The following ZNF385D variants were observed in gnomAD, a reference collection of about 807,000 sequenced individuals.
The protein encoded by ZNF385D is zinc finger protein 659.
A neutral mutation model predicts 35.8 loss-of-function variants in ZNF385D; 15 were observed. That is an observed-to-expected ratio of 0.42 (90% CI 0.28 to 0.64). The LOEUF (loss-of-function observed/expected upper bound fraction) is 0.64. Among genes scored for constraint, ZNF385D ranks in the 30% least tolerant of loss-of-function variants. The pLI is 0.23. For synonymous variants in ZNF385D, 212 were observed against 186.8 expected, an observed-to-expected ratio of 1.13 and a Z score of -1.10; for missense variants, 474 against 494.6, an observed-to-expected ratio of 0.96 and a Z score of 0.39.
chr3:21,440,795 A>C (rs1701820505), intron 4 of ZNF385D, among the ~76,000 whole-genome samples: 1 of 152,204 alleles, frequency 6.6e-6, no homozygotes, highest in Non-Finnish European at 1.5e-5. Context: ...ATGGTGCATC[A>C]TTCAAGTTAC....
chr3:21,722,412 G>A (rs183976489), intron 1 of ZNF385D, among the ~76,000 whole-genome samples: 21 of 152,282 alleles, frequency 1.4e-4, no homozygotes, highest in Admixed American at 1.2e-3. Flanking sequence ...TAACTATCTA[G>A]TGCTTAGGTC....
chr3:22,082,700 G>T (rs2125585942), intron 3 of ZNF385D, among the ~76,000 whole-genome samples: 1 of 152,274 alleles, frequency 6.6e-6, no homozygotes. Flanking sequence ...AGAGAGCAGT[G>T]GTTCTCCCAG....
rs61061804 is a variant in ZNF385D at position 21,499,657 on chromosome 3, A to C, written c.439+11204T>G. 8.7e-3 allele frequency among the ~76,000 whole-genome samples: 1,312 copies of C among 151,190 alleles called. 22 individuals carry two copies. Among genetic ancestry groups the C allele is most frequent in the African/African-American group, 0.03 (1,225 of 41,290 alleles). On this transcript the variant is annotated intron_variant, in intron 4 of 7. Coordinates refer to ENST00000281523, the MANE Select transcript of ZNF385D (RefSeq NM_024697.3). ...AGGGTTTTTAATTTGAAAAAAAAAAACCAAAAAACGAAAAACAATAAAATA... is the reference window on the plus strand; with the variant it reads ...AGGGTTTTTAATTTGAAAAAAAAAACCCAAAAAACGAAAAACAATAAAATA...
intron 2 of ZNF385D, among the ~76,000 whole-genome samples, chr3:21,626,934 G>A (rs1182772011): frequency 6.6e-6 from 1 of 151,936 alleles, no homozygotes; most frequent in Non-Finnish European, 1.5e-5. Context: ...AAAGAACTGG[G>A]TATTGAGGGG....
intron 1 of ZNF385D, among the ~76,000 whole-genome samples, chr3:21,691,181 G>A (rs954115092): frequency 6.6e-6 from 1 of 152,026 alleles, no homozygotes; most frequent in South Asian, 2.1e-4. Context: ...ATGCCATACC[G>A]TAAATCAATC....
At chr3:22,206,396 C>T (rs1332313269) in intron 2 of ZNF385D, among the ~76,000 whole-genome samples, 1 of 151,944 alleles carries the variant, frequency 6.6e-6, no homozygotes, top group East Asian at 1.9e-4. Context: ...AACAAAGAAA[C>T]ATCAGACTTA....
intron 1 of ZNF385D, among the ~76,000 whole-genome samples, chr3:21,720,809 G>T (rs2068509255): frequency 6.6e-6 from 1 of 152,156 alleles, no homozygotes; most frequent in African/African-American, 2.4e-5. Flanking sequence ...TTAATTTAAA[G>T]ACCTTCTATT....
At chr3:21,785,610 A>G (rs2071658946) in intron 3 of ZNF385D, among the ~76,000 whole-genome samples, 1 of 152,132 alleles carries the variant, frequency 6.6e-6, no homozygotes. Flanking sequence ...GATTCTATAA[A>G]TTTCACTACT....
intron 3 of ZNF385D, among the ~76,000 whole-genome samples, chr3:21,826,727 G>C (rs879415445): frequency 2.0e-5 from 3 of 150,924 alleles, no homozygotes; most frequent in Non-Finnish European, 4.4e-5. Flanking sequence ...CTGCAGTAAT[G>C]AACATTAAAT....
At chr3:22,032,586 A>G (rs1698067888) in intron 3 of ZNF385D, among the ~76,000 whole-genome samples, 1 of 152,160 alleles carries the variant, frequency 6.6e-6, no homozygotes, top group Non-Finnish European at 1.5e-5. Flanking sequence ...GGTCCTAAGC[A>G]GTGTATAGAA....
At chr3:21,476,462 A>G (rs932405038) in intron 4 of ZNF385D, among the ~76,000 whole-genome samples, 2 of 152,026 alleles carry the variant, frequency 1.3e-5, no homozygotes, top group Non-Finnish European at 2.9e-5. Context: ...AATTTTTTTG[A>G]TGATGTTGAG....
chr3:21,876,561 C>A (rs76910514), intron 3 of ZNF385D, among the ~76,000 whole-genome samples: 3 of 151,748 alleles, frequency 2.0e-5, no homozygotes, highest in African/African-American at 7.3e-5. Flanking sequence ...ACATTTATTA[C>A]GTTTATTGAG....
intron 3 of ZNF385D, among the ~76,000 whole-genome samples, chr3:21,987,901 C>T (rs1277973315): frequency 3.5e-5 from 5 of 144,728 alleles, no homozygotes. Flanking sequence ...CTTCCCTTCT[C>T]ACTTCATTTC....
chr3:21,766,586 G>A (rs752562431), intron 3 of ZNF385D, among the ~76,000 whole-genome samples: 2 of 152,098 alleles, frequency 1.3e-5, no homozygotes, highest in Non-Finnish European at 2.9e-5. Flanking sequence ...AAATCTTGAG[G>A]GAGATATTGC....
chr3:21,648,801 G>A (rs1013448697), intron 2 of ZNF385D, among the ~76,000 whole-genome samples: 4 of 152,146 alleles, frequency 2.6e-5, no homozygotes, highest in African/African-American at 7.2e-5. Flanking sequence ...GTATTACTAA[G>A]GCTAGGTGTG....
intron 3 of ZNF385D, among the ~76,000 whole-genome samples, chr3:22,166,218 G>A (rs1178604148): frequency 7.8e-6 from 1 of 127,814 alleles, no homozygotes; most frequent in Non-Finnish European, 1.9e-5. Context: ...AGAGGTCACT[G>A]AAAATGTTCT....
At chr3:22,142,044 T>G (rs911197156) in intron 3 of ZNF385D, among the ~76,000 whole-genome samples, 5 of 152,196 alleles carry the variant, frequency 3.3e-5, no homozygotes, top group African/African-American at 9.7e-5. Context: ...GTTGACAGTT[T>G]ATTGTGAGTA....
At chr3:22,162,512 A>G (rs1165016133) in intron 3 of ZNF385D, among the ~76,000 whole-genome samples, 1 of 152,170 alleles carries the variant, frequency 6.6e-6, no homozygotes, top group African/African-American at 2.4e-5. Flanking sequence ...GCCACCATCT[A>G]TACTTTCTGA....
At chr3:22,094,385 G>GAGATATATATATATATATATATATAT (rs1491256865) in intron 3 of ZNF385D, among the ~76,000 whole-genome samples, 90 of 70,738 alleles carry the variant, frequency 1.3e-3, no homozygotes, top group Non-Finnish European at 1.7e-3. Context: ...ATTTATTGTT[G>GAGATATATATATATATATATATATAT]ATATATATAT....
Sources: gnomAD v4.1 joint callset for allele counts (sites outside exome capture counted in the v4.1 genomes callset) on GRCh38, gnomAD v4.1.1 for gene constraint, MANE v1.5 for transcripts, NCBI Gene and HGNC (gene_info 2026-07-23, HGNC 2026-07-21) for gene names.